NCKAP5: variants seen among roughly 807,000 people sequenced by gnomAD.
NCKAP5 encodes the protein nck-associated protein 5.
In NCKAP5, 92 loss-of-function variants were observed where a neutral mutation model predicts 167.0. The ratio of observed to expected loss-of-function variants is 0.55; its 90% confidence interval spans 0.47 to 0.66. The LOEUF is 0.66. Among genes scored for constraint, NCKAP5 ranks in the 30% least tolerant of loss-of-function variants. NCKAP5 has a pLI of 0.00. For missense variants in NCKAP5, 2,378 were observed against 2,315.0 expected, an observed-to-expected ratio of 1.03 and a Z score of -0.56; for synonymous variants, 891 against 877.4, an observed-to-expected ratio of 1.02 and a Z score of -0.27.
intron 8 of NCKAP5, among the ~76,000 whole-genome samples, chr2:132,946,758 T>C (rs1253065977): frequency 1.3e-5 from 2 of 152,002 alleles, no homozygotes; most frequent in African/African-American, 2.4e-5. Context: ...ATTCGCTAGG[T>C]GTGGTGGCTT....
At chr2:133,477,552 CTA>C (rs1388248264) in intron 3 of NCKAP5, among the ~76,000 whole-genome samples, 1 of 152,140 alleles carries the variant, frequency 6.6e-6, no homozygotes, top group Non-Finnish European at 1.5e-5. Context: ...CCTATATACA[CTA>C]TGTTTTTTCC....
chr2:132,728,085 C>T (rs996987236), intron 18 of NCKAP5, among the ~76,000 whole-genome samples: 6 of 152,188 alleles, frequency 3.9e-5, no homozygotes, highest in African/African-American at 1.4e-4. Context: ...GTGTCTTCCT[C>T]CTCCTTTCTC....
At chr2:133,291,527 C>G (rs565415863) in intron 4 of NCKAP5, among the ~76,000 whole-genome samples, 1 of 152,162 alleles carries the variant, frequency 6.6e-6, no homozygotes, top group Non-Finnish European at 1.5e-5. Context: ...GTGGTAGCAC[C>G]GCACTGGGAG....
chr2:132,786,961 C>T (rs990104586), intron 13 of NCKAP5, among the ~76,000 whole-genome samples: 13 of 152,170 alleles, frequency 8.5e-5, no homozygotes, highest in Non-Finnish European at 1.6e-4. Context: ...TCCCCTTTAC[C>T]TTAGTCAGTG....
chr2:132,745,030 T>G (rs1165120786), intron 16 of NCKAP5, among the ~76,000 whole-genome samples: 1 of 151,772 alleles, frequency 6.6e-6, no homozygotes, highest in Non-Finnish European at 1.5e-5. Context: ...TCAGAATTTA[T>G]AAGGATGAAA....
chr2:132,709,276 G>A (rs770879610), intron 19 of NCKAP5, among the ~76,000 whole-genome samples: 3 of 151,940 alleles, frequency 2.0e-5, no homozygotes, highest in Admixed American at 1.3e-4. Context: ...AAATGAACAA[G>A]CTTAGTGTCT....
At chr2:132,858,327 T>A (rs186059149) in intron 11 of NCKAP5, among the ~76,000 whole-genome samples, 114 of 152,180 alleles carry the variant, frequency 7.5e-4, no homozygotes, top group Non-Finnish European at 1.3e-3. Context: ...TCAAAAGAGG[T>A]GGGAGCACAA....
intron 12 of NCKAP5, 99 bp downstream of exon 12, chr2:132,796,529 G>T: frequency 1.4e-6 from 1 of 695,924 alleles, no homozygotes; most frequent in Non-Finnish European, 2.5e-6. Flanking sequence ...GCCTGACAAT[G>T]CTTCAAGGAT....
intron 5 of NCKAP5, among the ~76,000 whole-genome samples, chr2:133,143,129 A>G (rs1440750216): frequency 6.6e-6 from 1 of 152,006 alleles, no homozygotes; most frequent in East Asian, 1.9e-4. Flanking sequence ...TGTTATGTAC[A>G]TTGCTCCACA....
At chr2:133,366,510 C>A (rs983766319) in intron 3 of NCKAP5, among the ~76,000 whole-genome samples, 2 of 152,096 alleles carry the variant, frequency 1.3e-5, no homozygotes, top group African/African-American at 4.8e-5. Context: ...ACCATATTGC[C>A]AGGCTGGTCT....
intron 6 of NCKAP5, among the ~76,000 whole-genome samples, chr2:133,074,361 T>C (rs2080521948): frequency 9.3e-6 from 1 of 107,596 alleles, no homozygotes; most frequent in Non-Finnish European, 2.1e-5. Context: ...AAACCGAAAA[T>C]TTAATTAATT....
chr2:133,094,585 T>G (rs2081288880), intron 6 of NCKAP5, among the ~76,000 whole-genome samples: 1 of 152,118 alleles, frequency 6.6e-6, no homozygotes, highest in Non-Finnish European at 1.5e-5. Flanking sequence ...GTGGGCGGAA[T>G]TGTCAAATGC....
chr2:133,560,227 G>A (rs1433283626), intron 1 of NCKAP5, among the ~76,000 whole-genome samples: 2 of 152,172 alleles, frequency 1.3e-5, no homozygotes, highest in African/African-American at 4.8e-5. Context: ...AGAAGAGAAA[G>A]TACTAATTTA....
At chr2:133,468,528 C>T (rs186352239) in intron 3 of NCKAP5, among the ~76,000 whole-genome samples, 32 of 151,834 alleles carry the variant, frequency 2.1e-4, no homozygotes, top group African/African-American at 5.1e-4. Context: ...CTATTAGGTC[C>T]GCTTGGTGCG....
At position 132,785,557 on chromosome 2, in the gene NCKAP5, TGG is replaced by T; in HGVS notation, c.1252_1253del (p.Pro418IlefsTer9). ...LQKRKVLLEP[P>X]SVITKWGYKD... is the part of the protein sequence containing the mutation. ...TATAACCCCATTTGGTTATCACTGA[TGG>T]GGGTTCAAGTAACACTTTTCGCTTC... On this transcript the variant is annotated frameshift_variant, in exon 14 of 20. Transcript: ENST00000409261. LOFTEE classifies it high-confidence loss of function. 1 of 1,602,488 alleles carries T rather than the reference TGG, an allele frequency of 6.2e-7. No homozygotes were observed. Among genetic ancestry groups the T allele is most frequent in the Non-Finnish European group, 8.5e-7 (1 of 1,174,468 alleles).
the NCKAP5 span, among the ~76,000 whole-genome samples, chr2:133,665,843 G>A: frequency 1.3e-5 from 2 of 152,160 alleles, no homozygotes; most frequent in African/African-American, 2.4e-5. Flanking sequence ...ATGTTAAATG[G>A]TAGTGTAATG....
intron 7 of NCKAP5, among the ~76,000 whole-genome samples, chr2:132,964,466 A>G (rs1051407931): frequency 2.0e-5 from 3 of 152,130 alleles, no homozygotes; most frequent in Non-Finnish European, 2.9e-5. Context: ...ATAAAAAGTT[A>G]TTTTGTCTTG....
At chr2:132,906,015 T>C (rs1395617960) in intron 8 of NCKAP5, among the ~76,000 whole-genome samples, 1 of 152,224 alleles carries the variant, frequency 6.6e-6, no homozygotes, top group African/African-American at 2.4e-5. Flanking sequence ...CCAGCATATT[T>C]TTCTATTGAG....
chr2:133,641,616 G>C, the NCKAP5 span, among the ~76,000 whole-genome samples: 1 of 152,246 alleles, frequency 6.6e-6, no homozygotes, highest in African/African-American at 2.4e-5. Flanking sequence ...CAAGCACGTG[G>C]ACACAGCTTC....
Sources: gnomAD v4.1 joint callset for allele counts (sites outside exome capture counted in the v4.1 genomes callset) on GRCh38, gnomAD v4.1.1 for gene constraint, MANE v1.5 for transcripts, NCBI Gene and HGNC (gene_info 2026-07-23, HGNC 2026-07-21) for gene names.